The following HCN1 variants were observed in gnomAD, a reference collection of about 807,000 sequenced individuals.
HCN1 encodes hyperpolarization activated cyclic nucleotide gated potassium channel 1, also known as potassium/sodium hyperpolarization-activated cyclic nucleotide-gated channel 1.
Under a neutral mutation model 78.9 loss-of-function variants are expected in HCN1, and 13 were observed. The ratio of observed to expected loss-of-function variants is 0.16; its 90% CI spans 0.11 to 0.26. HCN1 has a LOEUF of 0.26. Ranked by LOEUF, HCN1 falls within the 10% of genes least tolerant of loss-of-function variation. HCN1 has a pLI of 1.00. For missense variants in HCN1, 810 were observed against 1,154.3 expected, an observed-to-expected ratio of 0.70 and a Z score of 4.32; for synonymous variants, 552 against 455.5, an observed-to-expected ratio of 1.21 and a Z score of -2.70.
chr5:45,397,472 T>C (rs569153872), intron 3 of HCN1, among the ~76,000 whole-genome samples: 12 of 152,144 alleles, frequency 7.9e-5, no homozygotes, highest in Non-Finnish European at 1.5e-4. Context: ...GCAAGCTCAA[T>C]TTTTTAAAAA....
intron 2 of HCN1, among the ~76,000 whole-genome samples, chr5:45,600,447 G>A (rs750419713): frequency 6.6e-6 from 1 of 152,100 alleles, no homozygotes; most frequent in Non-Finnish European, 1.5e-5. Flanking sequence ...ATTTTCATAT[G>A]TGATAAAATT....
At chr5:45,635,665 C>CT (rs1745343601) in intron 2 of HCN1, among the ~76,000 whole-genome samples, 2 of 152,100 alleles carry the variant, frequency 1.3e-5, no homozygotes, top group Non-Finnish European at 2.9e-5. Context: ...AATGTATTTC[C>CT]TTTTCACACT....
At chr5:45,372,763 AAAAT>A (rs1747440207) in intron 4 of HCN1, among the ~76,000 whole-genome samples, 1 of 144,068 alleles carries the variant, frequency 6.9e-6, no homozygotes, top group African/African-American at 2.5e-5. Flanking sequence ...TCTATACACA[AAAAT>A]ATATACGTAT....
At chr5:45,281,728 C>T (rs1303064581) in intron 6 of HCN1, among the ~76,000 whole-genome samples, 1 of 151,514 alleles carries the variant, frequency 6.6e-6, no homozygotes, top group African/African-American at 2.4e-5. Flanking sequence ...GCTGGGACTA[C>T]AGGTGCCCGC....
chr5:45,637,227 T>G (rs1188943517), intron 2 of HCN1, among the ~76,000 whole-genome samples: 1 of 152,180 alleles, frequency 6.6e-6, no homozygotes, highest in Non-Finnish European at 1.5e-5. Context: ...AGAACCTCTC[T>G]TCTACTCCCT....
At chr5:45,378,485 T>C (rs1375115442) in intron 4 of HCN1, among the ~76,000 whole-genome samples, 1 of 152,090 alleles carries the variant, frequency 6.6e-6, no homozygotes, top group Admixed American at 6.6e-5. Context: ...AACATCAGAA[T>C]ATATTCTCTA....
At chr5:45,536,717 T>C (rs1020791804) in intron 2 of HCN1, among the ~76,000 whole-genome samples, 1 of 152,196 alleles carries the variant, frequency 6.6e-6, no homozygotes, top group African/African-American at 2.4e-5. Flanking sequence ...TTTTCCTGTT[T>C]CTTCATGTAG....
chr5:45,313,351 C>T (rs911382155), intron 5 of HCN1, among the ~76,000 whole-genome samples: 1 of 152,126 alleles, frequency 6.6e-6, no homozygotes, highest in Non-Finnish European at 1.5e-5. Context: ...ACATTCACAC[C>T]AAAACCCCAT....
At chr5:45,349,521 A>T (rs1746837234) in intron 5 of HCN1, among the ~76,000 whole-genome samples, 1 of 152,212 alleles carries the variant, frequency 6.6e-6, no homozygotes, top group Non-Finnish European at 1.5e-5. Flanking sequence ...AATAACTAAA[A>T]TCAGAGCAGA....
At position 45,255,579 on chromosome 5, in the gene HCN1, G is replaced by T. The variant is rs945964584; in HGVS notation, c.*6342C>A. On this transcript the variant is annotated 3_prime_UTR_variant, in exon 8 of 8. Transcript: ENST00000303230. The stretch of plus-strand genomic sequence containing the variant: ...CATTTAGAACTGCACATTTTAAACA[G>T]AATTGTAATATGTTAGGTTGGTAAT... 5 of 152,152 alleles carry T rather than the reference G, an allele frequency of 3.3e-5. No homozygotes were observed. Among genetic ancestry groups the T allele is most frequent in the Non-Finnish European group, 5.9e-5 (4 of 68,028 alleles). 9.4% of individuals were successfully genotyped at this position (152,152 alleles called of 1,614,324 possible). A position where few individuals can be genotyped will look rare whatever the true frequency, so the allele number is the denominator to read the frequency against.
chr5:45,625,416 C>G (rs1440441068), intron 2 of HCN1, among the ~76,000 whole-genome samples: 1 of 152,056 alleles, frequency 6.6e-6, no homozygotes, highest in Non-Finnish European at 1.5e-5. Context: ...AGGTAGGGCA[C>G]CCCAGTCCCC....
At chr5:45,314,148 G>C (rs1051558843) in intron 5 of HCN1, among the ~76,000 whole-genome samples, 3 of 152,286 alleles carry the variant, frequency 2.0e-5, no homozygotes, top group Admixed American at 1.3e-4. Flanking sequence ...AAGCCCACCA[G>C]ACTAACAGCG....
chr5:45,637,778 T>C (rs1745381657), intron 2 of HCN1, among the ~76,000 whole-genome samples: 1 of 152,028 alleles, frequency 6.6e-6, no homozygotes, highest in African/African-American at 2.4e-5. Context: ...TTCAACATAG[T>C]TAAAGAATAT....
At chr5:45,481,053 C>CCATTG (rs1171825571) in intron 2 of HCN1, among the ~76,000 whole-genome samples, 1 of 152,158 alleles carries the variant, frequency 6.6e-6, no homozygotes, top group Non-Finnish European at 1.5e-5. Context: ...AACAGAATCA[C>CCATTG]CATTGCTATA....
At chr5:45,484,539 C>T (rs772091936) in intron 2 of HCN1, among the ~76,000 whole-genome samples, 6 of 152,178 alleles carry the variant, frequency 3.9e-5, no homozygotes, top group Non-Finnish European at 5.9e-5. Flanking sequence ...TGCCCTCCCC[C>T]TCTCTTCCTT....
At chr5:45,474,760 C>A (rs1741478711) in intron 2 of HCN1, among the ~76,000 whole-genome samples, 1 of 151,842 alleles carries the variant, frequency 6.6e-6, no homozygotes, top group African/African-American at 2.4e-5. Flanking sequence ...ATGGGTTATA[C>A]AATCATTATC....
At position 45,351,669 on chromosome 5, in the gene HCN1, C is replaced by G. The variant is rs566864927; in HGVS notation, c.1377+1431G>C. Among the ~76,000 whole-genome samples the G allele has an allele frequency of 3.1e-4, 45 of 143,384 alleles. No individual in the cohort carries two copies. The South Asian group carries it at 8.2e-3, about 26-fold the overall frequency. The allele number at this position is 143,384 out of a possible 152,430, so 94.1% of individuals were successfully genotyped here. A position where few individuals can be genotyped will look rare whatever the true frequency, so the allele number is the denominator to read the frequency against. ...ATCCAGAATCTACAATGAACTCAAA[C>G]AAATTTATAAGAAAAAAACAAACAA... On this transcript the variant is annotated intron_variant, in intron 5 of 7. Coordinates refer to ENST00000303230, the MANE Select transcript of HCN1 (RefSeq NM_021072.4).
intron 5 of HCN1, among the ~76,000 whole-genome samples, chr5:45,335,579 A>G (rs1254376472): frequency 6.6e-6 from 1 of 152,024 alleles, no homozygotes; most frequent in Non-Finnish European, 1.5e-5. Context: ...ATACCCTTTG[A>G]ATCACCCTTT....
At chr5:45,678,587 T>G (rs1382204338) in intron 1 of HCN1, among the ~76,000 whole-genome samples, 1 of 151,952 alleles carries the variant, frequency 6.6e-6, no homozygotes, top group Non-Finnish European at 1.5e-5. Flanking sequence ...TCATCGTGAG[T>G]ACAGCTCTTC....
Sources: allele counts gnomAD v4.1 joint callset (sites outside exome capture counted in the v4.1 genomes callset), GRCh38; gene constraint gnomAD v4.1.1; transcripts MANE v1.5; gene names NCBI Gene and HGNC (gene_info 2026-07-23, HGNC 2026-07-21).